FBN2: variants seen among roughly 807,000 people sequenced by gnomAD.
The protein encoded by FBN2 is fibrillin-2.
Under a neutral mutation model 355.6 loss-of-function variants are expected in FBN2, and 105 were observed. That is an observed-to-expected ratio of 0.30 (90% confidence interval 0.25 to 0.35). The LOEUF (loss-of-function observed/expected upper bound fraction) is 0.35. Ranked by LOEUF, FBN2 falls within the 10% of genes least tolerant of loss-of-function variation. The probability of loss-of-function intolerance (pLI) is 1.00; values close to 1 mark genes in which losing one functional copy is unlikely to be tolerated. For synonymous variants in FBN2, 1,350 were observed against 1,301.2 expected (o/e 1.04, Z -0.81); for missense variants, 3,280 against 3,758.7 (o/e 0.87, Z 3.33).
intron 11 of FBN2, among the ~76,000 whole-genome samples, chr5:128,385,263 T>G (rs540337810): frequency 3.9e-4 from 60 of 152,138 alleles, no homozygotes; most frequent in Non-Finnish European, 7.4e-4. Flanking sequence ...TGTGTTCACA[T>G]GTACTGAATG....
At position 128,335,472 on chromosome 5, in the gene FBN2, T is replaced by C; in HGVS notation, c.3830A>G (p.Asp1277Gly). The change falls in exon 29 of 65, where the codon GAT becomes GGT. Residue 1277 changes from aspartate to glycine, a missense_variant. Physicochemically the swap from Asp to Gly is moderately conservative, Grantham distance 94 (BLOSUM62 -1). This residue lies in a region of FBN2 where 2,284 missense variants were observed against 2,749.5 expected (regional missense o/e 0.83). Transcript: ENST00000262464. ...TTCTATACCTGCACACGATCTCCCA[T>C]CTGGCATCAGGGCATAACCCTCACT... ...SCSEGYALMP[D>G]GRSCADIDEC... is the part of the protein sequence containing the mutation. 6.2e-7 allele frequency: 1 copy of C among 1,614,244 alleles called. No homozygotes were observed. The highest frequency in any genetic ancestry group is 8.5e-7 in the Non-Finnish European group (1 of 1,180,034).
chr5:128,366,331 G>T, intron 17 of FBN2, 46 bp downstream of exon 17: 3 of 1,011,876 alleles, frequency 3.0e-6, no homozygotes, highest in Non-Finnish European at 4.7e-6. Flanking sequence ...AAAGCTATAC[G>T]ATTATGTCAC....
chr5:128,393,257 C>T lies in FBN2; in HGVS notation c.1343G>A (p.Gly448Asp), dbSNP rs1193652193. Reference sequence around the variant, plus strand: ...TGTCCCTCCTGGGCCATAGCCATTGCCATTGCCACTTGGGGCAAAGCCATT... The same window carrying T: ...TGTCCCTCCTGGGCCATAGCCATTGTCATTGCCACTTGGGGCAAAGCCATT... ...GGNGFAPSGN[G>D]NGYGPGGTGF... Residue 448 changes from glycine (G) to aspartate (D), a missense_variant, in exon 10 of 65, where the codon GGC becomes GAC. By Grantham distance (94) the Gly-to-Asp change is moderately conservative. Coordinates refer to ENST00000262464, the MANE Select transcript of FBN2 (RefSeq NM_001999.4). The T allele has an allele frequency of 6.2e-7, 1 of 1,614,172 alleles. No individual in the cohort carries two copies. The highest frequency in any genetic ancestry group is 8.5e-7 in the Non-Finnish European group (1 of 1,180,014).
At chr5:128,401,726 A>G (rs1419253565) in intron 8 of FBN2, among the ~76,000 whole-genome samples, 1 of 152,194 alleles carries the variant, frequency 6.6e-6, no homozygotes, top group African/African-American at 2.4e-5. Context: ...GCTTGCAGTG[A>G]GCCGATATCA....
chr5:128,379,480 C>A (rs544198112), intron 11 of FBN2, among the ~76,000 whole-genome samples: 78 of 151,910 alleles, frequency 5.1e-4, no homozygotes, highest in Admixed American at 7.2e-4. Flanking sequence ...TTAAACAAAG[C>A]CTATTTTTTT....
At chr5:128,319,499 T>C (rs1253042822) in intron 34 of FBN2, among the ~76,000 whole-genome samples, 1 of 93,406 alleles carries the variant, frequency 1.1e-5, no homozygotes, top group East Asian at 2.5e-4. Context: ...TAAATAAATT[T>C]AGTTAATTTA....
chr5:128,316,336 G>A (rs969647977), intron 36 of FBN2, among the ~76,000 whole-genome samples: 2 of 152,098 alleles, frequency 1.3e-5, no homozygotes, highest in African/African-American at 2.4e-5. Context: ...ATGATAAAAC[G>A]TCAAAATGTT....
intron 48 of FBN2, among the ~76,000 whole-genome samples, chr5:128,295,741 G>GA (rs1749487445): frequency 7.6e-6 from 1 of 132,358 alleles, no homozygotes; most frequent in Admixed American, 7.7e-5. Flanking sequence ...TTTGGGCTGA[G>GA]ACAATGGGGT....
chr5:128,357,407 A>T lies in FBN2; in HGVS notation c.2555-12T>A. 1.2e-6 allele frequency: 2 copies of T among 1,613,732 alleles called. No homozygotes were observed. Among genetic ancestry groups the T allele is most frequent in the South Asian group, 2.2e-5 (2 of 91,084 alleles). On this transcript the variant is annotated splice_polypyrimidine_tract_variant and intron_variant, in intron 19 of 64. Transcript: ENST00000262464. ...ACATTCATTTATATCTACAATCCAG[A>T]AGGAAAAGATTCTGTTAGAACTGCC... is the stretch of plus-strand genomic sequence containing the variant.
At position 128,333,054 on chromosome 5, in the gene FBN2, A is replaced by G. The variant is rs377436457; in HGVS notation, c.4100-20T>C. 6.2e-7 allele frequency: 1 copy of G among 1,605,072 alleles called. No homozygotes were observed. The highest frequency in any genetic ancestry group is 8.5e-7 in the Non-Finnish European group (1 of 1,171,892). On this transcript the variant is annotated intron_variant, in intron 31 of 64. Coordinates refer to ENST00000262464, the MANE Select transcript of FBN2 (RefSeq NM_001999.4). ...CCACATCTGATAAACCATAATTCATAAGAAGAAAATCAAAATACAAACTAA... is the reference window on the plus strand; with the variant it reads ...CCACATCTGATAAACCATAATTCATGAGAAGAAAATCAAAATACAAACTAA...
chr5:128,534,202 C>T (rs955524073), intron 2 of FBN2, among the ~76,000 whole-genome samples: 1 of 151,868 alleles, frequency 6.6e-6, no homozygotes, highest in Non-Finnish European at 1.5e-5. Context: ...GTCTCAGATA[C>T]TTTCTTTTGC....
chr5:128,418,431 A>T (rs2127012387), intron 7 of FBN2, among the ~76,000 whole-genome samples: 1 of 152,042 alleles, frequency 6.6e-6, no homozygotes, highest in South Asian at 2.1e-4. Context: ...GAGGTGCATC[A>T]TTAATTGTTT....
intron 16 of FBN2, among the ~76,000 whole-genome samples, chr5:128,368,406 A>C (rs1581245138): frequency 7.2e-6 from 1 of 138,802 alleles, no homozygotes; most frequent in Non-Finnish European, 1.5e-5. Context: ...CTTCATATAT[A>C]TGTGTGTGTG....
intron 4 of FBN2, 35 bp from the exon 5 acceptor site, chr5:128,519,403 G>C (rs1203751962): frequency 3.3e-6 from 5 of 1,521,864 alleles, no homozygotes; most frequent in Non-Finnish European, 4.6e-6. Flanking sequence ...TCATTATATA[G>C]CCAGTCTCCA....
chr5:128,294,975 C>T (rs931611371), intron 48 of FBN2, among the ~76,000 whole-genome samples: 5 of 147,698 alleles, frequency 3.4e-5, no homozygotes, highest in East Asian at 2.0e-4. Context: ...TTAGGTCTAA[C>T]GTTTAAGTCT....
intron 5 of FBN2, among the ~76,000 whole-genome samples, chr5:128,502,378 T>A (rs1036093383): frequency 6.6e-6 from 1 of 151,678 alleles, no homozygotes; most frequent in African/African-American, 2.4e-5. Flanking sequence ...CAGGCTAGAG[T>A]CAGACTTCTC....
At chr5:128,377,402 T>A (rs955592038) in intron 13 of FBN2, among the ~76,000 whole-genome samples, 5 of 152,198 alleles carry the variant, frequency 3.3e-5, no homozygotes, top group Middle Eastern at 3.2e-3. Flanking sequence ...GTCAGTGTTG[T>A]AACCCCAACA....
At chr5:128,536,618 T>G in intron 1 of FBN2, 134 bp from the exon 2 acceptor site, 1 of 729,496 alleles carries the variant, frequency 1.4e-6, no homozygotes, top group South Asian at 1.5e-5. Flanking sequence ...TTCAAATTAT[T>G]GGAGATCGGG....
chr5:128,339,656 T>G (rs1225773520), intron 25 of FBN2, among the ~76,000 whole-genome samples: 3 of 152,172 alleles, frequency 2.0e-5, no homozygotes, highest in Non-Finnish European at 2.9e-5. Context: ...ATGGGCTGAA[T>G]GAGGCAGGTG....
Sources: gnomAD v4.1 joint callset for allele counts (sites outside exome capture counted in the v4.1 genomes callset) on GRCh38, gnomAD v4.1.1 for gene constraint, gnomAD v4.1.1 regional missense constraint, MANE v1.5 for transcripts, NCBI Gene and HGNC (gene_info 2026-07-23, HGNC 2026-07-21) for gene names.